The following NDST4 variants were observed in gnomAD, a reference collection of about 807,000 sequenced individuals.
NDST4 encodes N-deacetylase and N-sulfotransferase 4.
Under a neutral mutation model 100.8 loss-of-function variants are expected in NDST4, and 63 were observed. That is an observed-to-expected ratio of 0.62 (90% CI 0.51 to 0.77). The LOEUF (loss-of-function observed/expected upper bound fraction) is 0.77, where lower values mean the gene tolerates loss of function less well. Among genes scored for constraint, NDST4 ranks in the 30% least tolerant of loss-of-function variants. The pLI is 0.00. For synonymous variants in NDST4, 377 were observed against 361.8 expected, an observed-to-expected ratio of 1.04 and a Z score of -0.48; for missense variants, 943 against 1,018.4, an observed-to-expected ratio of 0.93 and a Z score of 1.01.
intron 6 of NDST4, among the ~76,000 whole-genome samples, chr4:114,909,629 T>C (rs570722690): frequency 8.8e-5 from 12 of 136,910 alleles, no homozygotes; most frequent in African/African-American, 1.2e-4. Context: ...CACTGCAGTC[T>C]GCAGTCCGGC....
intron 6 of NDST4, among the ~76,000 whole-genome samples, chr4:114,897,786 G>A (rs1462099069): frequency 6.6e-6 from 1 of 152,062 alleles, no homozygotes; most frequent in Non-Finnish European, 1.5e-5. Context: ...GGTTTTTAGT[G>A]GTATTAACCT....
intron 7 of NDST4, among the ~76,000 whole-genome samples, chr4:114,856,944 G>C (rs1241730227): frequency 6.6e-6 from 1 of 152,326 alleles, no homozygotes; most frequent in Non-Finnish European, 1.5e-5. Context: ...AGGTAGCACA[G>C]TGCTAGGAAA....
At chr4:115,018,932 G>A (rs917402266) in intron 2 of NDST4, among the ~76,000 whole-genome samples, 1 of 151,896 alleles carries the variant, frequency 6.6e-6, no homozygotes, top group South Asian at 2.1e-4. Flanking sequence ...TTTTCTTGGT[G>A]AGAATGCAAA....
intron 2 of NDST4, among the ~76,000 whole-genome samples, chr4:115,052,520 C>T (rs9684691): frequency 0.44 from 66,348 of 151,790 alleles, 17,275 homozygotes; most frequent in Non-Finnish European, 0.6. Flanking sequence ...GAGTCTTCCC[C>T]ATATTGTTCT....
intron 2 of NDST4, among the ~76,000 whole-genome samples, chr4:115,030,742 A>G (rs1045090024): frequency 3.9e-5 from 6 of 152,104 alleles, no homozygotes; most frequent in African/African-American, 1.2e-4. Context: ...AGAGTTTGCC[A>G]AAGACCTTAA....
intron 2 of NDST4, among the ~76,000 whole-genome samples, chr4:115,010,815 C>A (rs537087709): frequency 1.3e-5 from 2 of 152,184 alleles, no homozygotes; most frequent in African/African-American, 4.8e-5. Flanking sequence ...CTTTCAAACA[C>A]AATTCAGTTT....
At chr4:114,876,469 C>T (rs1456173637) in intron 6 of NDST4, among the ~76,000 whole-genome samples, 1 of 151,960 alleles carries the variant, frequency 6.6e-6, no homozygotes, top group African/African-American at 2.4e-5. Flanking sequence ...AGTCTGGAAC[C>T]ACACAAGGGA....
intron 2 of NDST4, among the ~76,000 whole-genome samples, chr4:115,044,990 T>C (rs1236057132): frequency 6.6e-6 from 1 of 151,888 alleles, no homozygotes; most frequent in Non-Finnish European, 1.5e-5. Context: ...ACTTTTATAC[T>C]CTCCTGGTAT....
rs575960260 is a variant in NDST4 at position 114,958,202 on chromosome 4, T to C, written c.1221+12228A>G. Among the ~76,000 whole-genome samples, 5 of 152,332 alleles carry C rather than the reference T, an allele frequency of 3.3e-5. No homozygotes were observed. In the East Asian group the frequency reaches 9.7e-4, roughly 29 times the overall value. On this transcript the variant is annotated intron_variant, in intron 4 of 13. Coordinates refer to ENST00000264363, the MANE Select transcript of NDST4 (RefSeq NM_022569.3). ...ACACCTCAGCGTGGACATCCAGGCA[T>C]TTCCATACATGCTCTGAAATCTTGG...
At chr4:114,993,071 GT>G (rs539227076) in intron 2 of NDST4, among the ~76,000 whole-genome samples, 97 of 151,996 alleles carry the variant, frequency 6.4e-4, no homozygotes, top group African/African-American at 2.2e-3. Flanking sequence ...GTTTCATGGT[GT>G]ACTATAGATA....
At chr4:114,844,012 G>A (rs914969120) in intron 10 of NDST4, among the ~76,000 whole-genome samples, 4 of 134,496 alleles carry the variant, frequency 3.0e-5, no homozygotes, top group African/African-American at 8.3e-5. Context: ...ATACTGCAGC[G>A]ATTCTTTTTT....
At chr4:114,887,263 T>A (rs1180351947) in intron 6 of NDST4, among the ~76,000 whole-genome samples, 1 of 152,168 alleles carries the variant, frequency 6.6e-6, no homozygotes, top group Non-Finnish European at 1.5e-5. Context: ...AAACTCTTTG[T>A]TTAGTGTAAA....
chr4:114,888,458 G>A (rs553562450), intron 6 of NDST4, among the ~76,000 whole-genome samples: 1 of 152,194 alleles, frequency 6.6e-6, no homozygotes, highest in South Asian at 2.1e-4. Context: ...GTTTAAAAAT[G>A]TCAATTCGCT....
Position 114,845,803 on chromosome 4 carries a change from G to T in NDST4, c.2115+20C>A, listed in dbSNP as rs59091642. On this transcript the variant is annotated intron_variant, in intron 10 of 13. Transcript: ENST00000264363. Reference sequence around the variant, plus strand: ...AAGCTATAACAAAATGCTTTTAGCCGATTTTTTTACTGACCATACCTGGTA... The same window carrying T: ...AAGCTATAACAAAATGCTTTTAGCCTATTTTTTTACTGACCATACCTGGTA... 1.9e-6 allele frequency: 3 copies of T among 1,581,146 alleles called. No homozygotes were observed. The highest frequency in any genetic ancestry group is 2.7e-5 in the African/African-American group (2 of 73,870).
chr4:115,067,476 A>G (rs1728973897), intron 2 of NDST4, among the ~76,000 whole-genome samples: 1 of 151,986 alleles, frequency 6.6e-6, no homozygotes, highest in Admixed American at 6.5e-5. Context: ...AGGATAAATA[A>G]TGTCTTATTT....
chr4:115,000,754 A>C (rs1041107298), intron 2 of NDST4, among the ~76,000 whole-genome samples: 3 of 152,116 alleles, frequency 2.0e-5, no homozygotes, highest in Admixed American at 2.0e-4. Flanking sequence ...AAATCTTTCC[A>C]TTATGATCTT....
chr4:114,922,941 G>A (rs1454037468), intron 6 of NDST4, among the ~76,000 whole-genome samples: 2 of 152,156 alleles, frequency 1.3e-5, no homozygotes, highest in African/African-American at 4.8e-5. Context: ...TGTGACATCT[G>A]ACCCAAACCC....
chr4:114,930,869 T>C (rs899165712), intron 6 of NDST4, among the ~76,000 whole-genome samples: 6 of 152,008 alleles, frequency 3.9e-5, no homozygotes, highest in African/African-American at 1.4e-4. Flanking sequence ...AAAATAAAAT[T>C]ACAACTATTA....
chr4:114,931,720 A>G (rs1448417156), intron 6 of NDST4, among the ~76,000 whole-genome samples: 4 of 151,880 alleles, frequency 2.6e-5, no homozygotes, highest in Non-Finnish European at 5.9e-5. Flanking sequence ...ATGAACAATG[A>G]TAAACCTAAC....
Sources: allele counts gnomAD v4.1 joint callset (sites outside exome capture counted in the v4.1 genomes callset), GRCh38; gene constraint gnomAD v4.1.1; transcripts MANE v1.5; gene names NCBI Gene and HGNC (gene_info 2026-07-23, HGNC 2026-07-21).